AFDN: variants seen among roughly 807,000 people sequenced by gnomAD.
The protein encoded by AFDN is afadin, adherens junction formation factor.
In AFDN, 68 loss-of-function variants were observed where a neutral mutation model predicts 216.6. The observed-to-expected ratio is 0.31, with a 90% CI of 0.26 to 0.38. The LOEUF is 0.38. Among genes scored for constraint, AFDN ranks in the 10% least tolerant of loss-of-function variants. AFDN has a pLI of 1.00. For synonymous variants in AFDN, 868 were observed against 853.7 expected, an observed-to-expected ratio of 1.02 and a Z score of -0.29; for missense variants, 2,136 against 2,342.0, an observed-to-expected ratio of 0.91 and a Z score of 1.82.
chr6:167,951,232 A>G lies in AFDN; in HGVS notation c.3878A>G (p.Gln1293Arg), dbSNP rs2128685210. ...QEELREDKAY[Q>R]LERHRIEAAM... The stretch of plus-strand genomic sequence containing the variant: ...GAACTTCGAGAAGATAAAGCTTACC[A>G]ACTTGAGCGGCATCGAATAGAGGCA... The change falls in exon 30 of 34, where the codon CAA (glutamine) becomes CGA (arginine). Residue 1293 changes from glutamine to arginine, a missense_variant. Physicochemically the swap from Gln to Arg is conservative, Grantham distance 43. Transcript: ENST00000683244. The surrounding 1 kb of genome is among the most constrained non-coding windows in gnomAD (Gnocchi z 7.1). 1 of 1,599,716 alleles carries G rather than the reference A, an allele frequency of 6.3e-7. No homozygotes were observed. The highest frequency in any genetic ancestry group is 1.8e-5 in the Admixed American group (1 of 56,942).
chr6:167,870,091 AC>A (rs1784628735), intron 2 of AFDN, among the ~76,000 whole-genome samples: 1 of 152,194 alleles, frequency 6.6e-6, no homozygotes, highest in Non-Finnish European at 1.5e-5. Flanking sequence ...TTTAGCAAAA[AC>A]CATGTATACT....
At position 167,890,959 on chromosome 6, in the gene AFDN, A is replaced by T. The variant is rs777587829; in HGVS notation, c.1107A>T (p.Arg369Ser). The change falls in exon 8 of 34, where the codon AGA (arginine) becomes AGT (serine). Residue 369 changes from arginine (R) to serine (S), a missense_variant. Around this residue, in one of 8 missense-constraint regions of AFDN, gnomAD observed 817 missense variants for 965.7 expected, o/e 0.85. Transcript: ENST00000683244. Reference protein sequence around the residue: ...LEGKTPKGKERADGSGYGSTL... With the variant: ...LEGKTPKGKESADGSGYGSTL... ...GCAAGACACCCAAGGGAAAGGAGAG[A>T]GCTGACGGGTCTGGCTATGGCTCCA... The T allele has an allele frequency of 1.4e-5, 23 of 1,614,102 alleles. 1 individual carries two copies. The South Asian group carries it at 2.1e-4, about 15-fold the overall frequency.
chr6:167,859,625 T>C (rs1366540417), intron 1 of AFDN, among the ~76,000 whole-genome samples: 1 of 152,228 alleles, frequency 6.6e-6, no homozygotes, highest in African/African-American at 2.4e-5. Context: ...TTTAGGGTTG[T>C]CCTGGTGAAT....
chr6:167,830,151 T>C (rs1409666419), intron 1 of AFDN, among the ~76,000 whole-genome samples: 1 of 152,260 alleles, frequency 6.6e-6, no homozygotes, highest in African/African-American at 2.4e-5. Flanking sequence ...TGCTTATTTT[T>C]AATGTTACAG....
intron 5 of AFDN, among the ~76,000 whole-genome samples, chr6:167,875,761 G>A (rs1322648392): frequency 6.6e-6 from 1 of 150,860 alleles, no homozygotes; most frequent in Non-Finnish European, 1.5e-5. Flanking sequence ...TACAAAAAAA[G>A]AGAAAGATAC....
chr6:167,884,247 A>G (rs976885054), intron 6 of AFDN, among the ~76,000 whole-genome samples: 5 of 152,076 alleles, frequency 3.3e-5, no homozygotes, highest in African/African-American at 1.2e-4. Flanking sequence ...ACAGCTCCAA[A>G]TCATCCATAG....
chr6:167,870,602 T>G (rs1324609879), intron 3 of AFDN, 104 bp downstream of exon 3: 1 of 629,960 alleles, frequency 1.6e-6, no homozygotes, highest in African/African-American at 1.9e-5. Context: ...CTTTTTTGCT[T>G]CTCTTTATAA....
chr6:167,859,284 T>A (rs984221869), intron 1 of AFDN, among the ~76,000 whole-genome samples: 2 of 152,198 alleles, frequency 1.3e-5, no homozygotes, highest in Non-Finnish European at 2.9e-5. Flanking sequence ...GTTAAGTAGG[T>A]CAAATGGCTA....
rs763965392 is a variant in AFDN, at chr6:167,962,419, C to T, written c.4834-14C>T. 6.2e-7 allele frequency: 1 copy of T among 1,612,958 alleles called. No individual in the cohort carries two copies. Among genetic ancestry groups the T allele is most frequent in the Non-Finnish European group, 8.5e-7 (1 of 1,179,718 alleles). ...GGAGTTTGTGGAGGGAGATTAATGT[C>T]AGCCTGTTGTTAGTTGCAGGACGAG... is the stretch of plus-strand genomic sequence containing the variant. On this transcript the variant is annotated splice_polypyrimidine_tract_variant and intron_variant, in intron 30 of 33. Coordinates refer to ENST00000683244, the MANE Select transcript of AFDN (RefSeq NM_001386888.1). The surrounding 1 kb of genome is among the most constrained non-coding windows in gnomAD (Gnocchi z 5.2).
intron 30 of AFDN, 27 bp downstream of exon 30, chr6:167,952,214 C>A: frequency 6.2e-7 from 1 of 1,613,790 alleles, no homozygotes; most frequent in African/African-American, 1.3e-5. Context: ...TTTGGCTGTG[C>A]CCATCTGTGG....
At chr6:167,930,586 T>C (rs1283283515) in intron 23 of AFDN, among the ~76,000 whole-genome samples, 1 of 151,970 alleles carries the variant, frequency 6.6e-6, no homozygotes, top group African/African-American at 2.4e-5. Context: ...ATGTGGGGTG[T>C]GTGGAGAGGC....
chr6:167,920,709 A>T lies in AFDN; in HGVS notation c.2908+1776A>T, dbSNP rs74796190. 2.7e-3 allele frequency among the ~76,000 whole-genome samples: 409 copies of T among 152,304 alleles called. 4 individuals carry two copies. Among genetic ancestry groups the T allele is most frequent in the African/African-American group, 9.1e-3 (377 of 41,560 alleles). On this transcript the variant is annotated intron_variant, in intron 21 of 33. Transcript: ENST00000683244. Reference sequence around the variant, plus strand: ...TTCCAGCCTTACTTCTTCACCTTGAAATACGCACACTATAGATGTCATTCA... The same window carrying T: ...TTCCAGCCTTACTTCTTCACCTTGATATACGCACACTATAGATGTCATTCA...
At chr6:167,969,399 T>C (rs1797863023) in intron 33 of AFDN, among the ~76,000 whole-genome samples, 1 of 152,226 alleles carries the variant, frequency 6.6e-6, no homozygotes, top group Non-Finnish European at 1.5e-5. Flanking sequence ...AGTACTATTC[T>C]ATAACTTATT....
chr6:167,849,375 C>T (rs938916530), intron 1 of AFDN, among the ~76,000 whole-genome samples: 1 of 152,068 alleles, frequency 6.6e-6, no homozygotes, highest in African/African-American at 2.4e-5. Context: ...TAGGTTGACT[C>T]TGCATTCTTG....
chr6:167,944,781 TAA>T (rs900150174), intron 26 of AFDN, among the ~76,000 whole-genome samples: 4 of 143,016 alleles, frequency 2.8e-5, no homozygotes, highest in Non-Finnish European at 3.1e-5. Flanking sequence ...AAACTACAGT[TAA>T]AAAAAAAAAA....
intron 1 of AFDN, among the ~76,000 whole-genome samples, chr6:167,844,676 A>G (rs1781442666): frequency 1.3e-5 from 2 of 152,138 alleles, no homozygotes; most frequent in African/African-American, 2.4e-5. Flanking sequence ...GTTATTATTC[A>G]AAAGGTAGGG....
chr6:167,858,194 C>T (rs1187307110), intron 1 of AFDN, among the ~76,000 whole-genome samples: 1 of 152,132 alleles, frequency 6.6e-6, no homozygotes, highest in Non-Finnish European at 1.5e-5. Context: ...CAGCAGAGCA[C>T]TGATTTCACT....
At chr6:167,890,668 A>C (rs1232439959) in intron 7 of AFDN, among the ~76,000 whole-genome samples, 194 bp from the exon 8 acceptor site, 1 of 152,110 alleles carries the variant, frequency 6.6e-6, no homozygotes, top group Admixed American at 6.6e-5. Flanking sequence ...GAGCTTTTCA[A>C]ACACACCAAG....
At chr6:167,943,905 T>G in intron 25 of AFDN, 36 bp from the exon 26 acceptor site, 1 of 1,572,720 alleles carries the variant, frequency 6.4e-7, no homozygotes, top group Non-Finnish European at 8.8e-7. Flanking sequence ...GCACTGCGTT[T>G]TAGTCTTTCT....
Sources: gnomAD v4.1 joint callset for allele counts (sites outside exome capture counted in the v4.1 genomes callset) on GRCh38, gnomAD v4.1.1 for gene constraint, gnomAD v4.1.1 regional missense constraint, Gnocchi (gnomAD v3.1) non-coding constraint, MANE v1.5 for transcripts, NCBI Gene and HGNC (gene_info 2026-07-23, HGNC 2026-07-21) for gene names.